Variants in RAB11FIP4 observed in about 807,000 individuals in gnomAD.
RAB11FIP4 encodes the protein RAB11 family interacting protein 4, also known as rab11 family-interacting protein 4.
Under a neutral mutation model 74.3 loss-of-function variants are expected in RAB11FIP4, and 23 were observed. The observed-to-expected ratio is 0.31, with a 90% CI of 0.22 to 0.44. The LOEUF (loss-of-function observed/expected upper bound fraction) is 0.44. RAB11FIP4 is among the 20% of genes least tolerant of loss of function. RAB11FIP4 has a pLI of 1.00. For synonymous variants in RAB11FIP4, 360 were observed against 359.9 expected (o/e 1.00, Z 0.00); for missense variants, 630 against 863.9 (o/e 0.73, Z 3.39).
intron 3 of RAB11FIP4, among the ~76,000 whole-genome samples, chr17:31,476,313 T>C (rs1189237567): frequency 2.0e-5 from 3 of 151,482 alleles, no homozygotes; most frequent in Admixed American, 2.0e-4. Context: ...GCCTCCCAAG[T>C]AGCTGGGATT....
At chr17:31,520,143 C>A (rs1597978266) in intron 4 of RAB11FIP4, among the ~76,000 whole-genome samples, 1 of 144,598 alleles carries the variant, frequency 6.9e-6, no homozygotes, top group Admixed American at 6.9e-5. Flanking sequence ...CACAGTATAA[C>A]AACTATTTAC....
chr17:31,474,823 G>A lies in RAB11FIP4; in HGVS notation c.336+40701G>A, dbSNP rs139466695. On this transcript the variant is annotated intron_variant, in intron 3 of 14. Coordinates refer to ENST00000621161, the MANE Select transcript of RAB11FIP4 (RefSeq NM_032932.6). The stretch of plus-strand genomic sequence containing the variant: ...CACCACTGCACTCTAGCCTGGGCAC[G>A]ACAGAGCGAAACACTGTCTCAAAAA... Among the ~76,000 whole-genome samples the A allele has an allele frequency of 6.4e-3, 966 of 151,210 alleles. 4 individuals carry two copies. Among genetic ancestry groups the A allele is most frequent in the Non-Finnish European group, 1.0e-2 (679 of 67,950 alleles).
chr17:31,535,442 A>T lies in RAB11FIP4; in HGVS notation c.*3710A>T, dbSNP rs1463587174. On this transcript the variant is annotated 3_prime_UTR_variant, in exon 15 of 15. Transcript: ENST00000621161. ...GGTCCAGGCATCGAGATGTGTAAAGACCTCCCCAGGTGATGATATGCAGTC... is the reference window on the plus strand; with the variant it reads ...GGTCCAGGCATCGAGATGTGTAAAGTCCTCCCCAGGTGATGATATGCAGTC... The T allele has an allele frequency of 6.6e-6, 1 of 151,372 alleles. No individual in the cohort carries two copies. 9.4% of individuals were successfully genotyped at this position (151,372 alleles called of 1,614,324 possible).
chr17:31,486,517 C>T (rs992777107), intron 3 of RAB11FIP4, among the ~76,000 whole-genome samples: 4 of 152,216 alleles, frequency 2.6e-5, no homozygotes, highest in Non-Finnish European at 5.9e-5. Flanking sequence ...CCACAAGTAA[C>T]CCTCCTGCTT....
intron 3 of RAB11FIP4, among the ~76,000 whole-genome samples, chr17:31,453,881 C>T (rs925482667): frequency 4.6e-5 from 7 of 151,834 alleles, no homozygotes; most frequent in Non-Finnish European, 1.0e-4. Context: ...TTTCTCAACT[C>T]ACAATGCATA....
intron 3 of RAB11FIP4, among the ~76,000 whole-genome samples, chr17:31,477,700 A>C (rs1348925231): frequency 6.6e-6 from 1 of 152,174 alleles, no homozygotes; most frequent in African/African-American, 2.4e-5. Context: ...TGGTTCTATG[A>C]TGGTTACTTT....
chr17:31,519,007 C>CTTTT (rs1190316585), intron 4 of RAB11FIP4, among the ~76,000 whole-genome samples: 84 of 73,976 alleles, frequency 1.1e-3, no homozygotes, highest in South Asian at 2.3e-3. Flanking sequence ...TAAGTTTTGT[C>CTTTT]TTTTTTTTTT....
At chr17:31,425,013 A>C (rs2071234320) in intron 1 of RAB11FIP4, among the ~76,000 whole-genome samples, 1 of 152,216 alleles carries the variant, frequency 6.6e-6, no homozygotes, top group Non-Finnish European at 1.5e-5. Flanking sequence ...TCAGCATAAT[A>C]ATAGTGATTG....
chr17:31,525,295 T>C, intron 10 of RAB11FIP4, 65 bp downstream of exon 10: 5 of 1,461,928 alleles, frequency 3.4e-6, no homozygotes, highest in Admixed American at 2.5e-5. Context: ...CCCTGTGGGA[T>C]AGGCGCTATC....
In RAB11FIP4 at chr17:31,533,646, A is replaced by T. The variant is rs1012474893; in HGVS notation, c.*1914A>T. On this transcript the variant is annotated 3_prime_UTR_variant, in exon 15 of 15. Coordinates refer to ENST00000621161, the MANE Select transcript of RAB11FIP4 (RefSeq NM_032932.6). ...TTGAGTATTTTATCTGTAAAATGTT[A>T]TCTGCCCTTTGGCTGCATTGGAATT... 1 of 152,294 alleles carries T rather than the reference A, an allele frequency of 6.6e-6. No homozygotes were observed. The highest frequency in any genetic ancestry group is 1.5e-5 in the Non-Finnish European group (1 of 68,092). The allele number at this position is 152,294 out of a possible 1,614,324, so 9.4% of individuals were successfully genotyped here.
chr17:31,470,297 A>C (rs1453172179), intron 3 of RAB11FIP4, among the ~76,000 whole-genome samples: 1 of 152,156 alleles, frequency 6.6e-6, no homozygotes, highest in Non-Finnish European at 1.5e-5. Flanking sequence ...TCTGGCCCTC[A>C]TTGATGCAAA....
At chr17:31,415,993 G>A (rs898394700) in intron 1 of RAB11FIP4, among the ~76,000 whole-genome samples, 2 of 152,126 alleles carry the variant, frequency 1.3e-5, no homozygotes, top group Non-Finnish European at 2.9e-5. Context: ...CCTGTGAGCT[G>A]GTCGGAAGTG....
At chr17:31,428,363 C>T (rs911650189) in intron 1 of RAB11FIP4, among the ~76,000 whole-genome samples, 2 of 152,262 alleles carry the variant, frequency 1.3e-5, no homozygotes, top group South Asian at 2.1e-4. Flanking sequence ...TGTGGTATGC[C>T]GGCGAGTCTG....
chr17:31,512,802 G>GATGC lies in RAB11FIP4; in HGVS notation c.337-4849_337-4848insATGC, dbSNP rs56061636. 0.42 allele frequency among the ~76,000 whole-genome samples: 64,479 copies of GATGC among 151,796 alleles called. 14,973 individuals are homozygous for GATGC. The highest frequency in any genetic ancestry group is 0.61 in the African/African-American group (25,295 of 41,348). On this transcript the variant is annotated intron_variant, in intron 3 of 14. Coordinates refer to ENST00000621161, the MANE Select transcript of RAB11FIP4 (RefSeq NM_032932.6). This position sits in a 1 kb window ranked among gnomAD's most constrained non-coding sequence, Gnocchi z 4.1. ...GGCCAAGCTCCAGGCCTGGACATGT[G>GATGC]TAGGGTCCCTGGGTGGTGACTGGAC...
At chr17:31,422,123 T>C (rs2071205913) in intron 1 of RAB11FIP4, among the ~76,000 whole-genome samples, 1 of 152,088 alleles carries the variant, frequency 6.6e-6, no homozygotes, top group Non-Finnish European at 1.5e-5. Flanking sequence ...TGCAGTGAGC[T>C]ATGATCACAC....
chr17:31,469,527 T>C (rs1354598372), intron 3 of RAB11FIP4, among the ~76,000 whole-genome samples: 3 of 151,236 alleles, frequency 2.0e-5, no homozygotes, highest in African/African-American at 7.3e-5. Context: ...CTCAGGAGGC[T>C]GAGGCAGGAG....
At chr17:31,510,105 C>T (rs962311001) in intron 3 of RAB11FIP4, among the ~76,000 whole-genome samples, 2 of 152,204 alleles carry the variant, frequency 1.3e-5, no homozygotes, top group Non-Finnish European at 2.9e-5. Flanking sequence ...GCAGCCAAGC[C>T]ACAGTGGGGT....
At chr17:31,414,564 T>A (rs2071129314) in intron 1 of RAB11FIP4, among the ~76,000 whole-genome samples, 2 of 152,228 alleles carry the variant, frequency 1.3e-5, no homozygotes, top group African/African-American at 4.8e-5. Context: ...GGCCACCTGA[T>A]GACACTCAGA....
chr17:31,478,007 T>C (rs2071811391), intron 3 of RAB11FIP4, among the ~76,000 whole-genome samples: 1 of 150,926 alleles, frequency 6.6e-6, no homozygotes. Flanking sequence ...TTTTTTTTTT[T>C]TTTTTTTGAG....
Sources: allele counts gnomAD v4.1 joint callset (sites outside exome capture counted in the v4.1 genomes callset), GRCh38; gene constraint gnomAD v4.1.1; non-coding constraint Gnocchi (gnomAD v3.1); transcripts MANE v1.5; gene names NCBI Gene and HGNC (gene_info 2026-07-23, HGNC 2026-07-21).